Variants in ALCAM observed in about 807,000 individuals in gnomAD.
ALCAM encodes CD166 antigen.
In ALCAM, 30 loss-of-function variants were observed where a neutral mutation model predicts 70.9. The ratio of observed to expected loss-of-function variants is 0.42; its 90% confidence interval spans 0.32 to 0.57. ALCAM has a LOEUF of 0.57. ALCAM is among the 20% of genes least tolerant of loss of function. ALCAM has a pLI of 0.11. For synonymous variants in ALCAM, 249 were observed against 242.5 expected, an observed-to-expected ratio of 1.03 and a Z score of -0.25; for missense variants, 591 against 695.1, an observed-to-expected ratio of 0.85 and a Z score of 1.68.
At chr3:105,420,644 G>A (rs1936625574) in intron 1 of ALCAM, among the ~76,000 whole-genome samples, 1 of 151,644 alleles carries the variant, frequency 6.6e-6, no homozygotes. Context: ...AGTCAGTTCA[G>A]CCACCATTTA....
chr3:105,397,540 A>G (rs1935986423), intron 1 of ALCAM, among the ~76,000 whole-genome samples: 1 of 151,898 alleles, frequency 6.6e-6, no homozygotes. Context: ...GTTATTTAAC[A>G]TAACATAATA....
At chr3:105,479,030 C>G (rs1938197106) in intron 1 of ALCAM, among the ~76,000 whole-genome samples, 1 of 151,998 alleles carries the variant, frequency 6.6e-6, no homozygotes, top group Non-Finnish European at 1.5e-5. Flanking sequence ...TGTATTGTGT[C>G]TAGTCTATAA....
At chr3:105,539,564 T>C (rs1940064462) in intron 6 of ALCAM, among the ~76,000 whole-genome samples, 1 of 152,082 alleles carries the variant, frequency 6.6e-6, no homozygotes, top group Non-Finnish European at 1.5e-5. Context: ...GCAATATGAG[T>C]ACAGTGGCAT....
At chr3:105,437,995 C>G (rs1218911831) in intron 1 of ALCAM, among the ~76,000 whole-genome samples, 1 of 152,054 alleles carries the variant, frequency 6.6e-6, no homozygotes, top group African/African-American at 2.4e-5. Context: ...AAATAAGTCT[C>G]TAAACAATCA....
intron 1 of ALCAM, among the ~76,000 whole-genome samples, chr3:105,389,033 G>A (rs1349875284): frequency 6.6e-6 from 1 of 151,550 alleles, no homozygotes; most frequent in Non-Finnish European, 1.5e-5. Flanking sequence ...TTTGTTGAAT[G>A]AACAAAGTGA....
At chr3:105,368,264 A>AGAG (rs1559767087) in intron 1 of ALCAM, among the ~76,000 whole-genome samples, 26 of 142,134 alleles carry the variant, frequency 1.8e-4, no homozygotes, top group South Asian at 6.9e-4. Flanking sequence ...AGAGAGAGAG[A>AGAG]AAAGGCAAAA....
intron 1 of ALCAM, among the ~76,000 whole-genome samples, chr3:105,394,275 C>T (rs1032881926): frequency 3.3e-5 from 5 of 151,962 alleles, no homozygotes; most frequent in Non-Finnish European, 7.4e-5. Flanking sequence ...ATATGACTCA[C>T]TACCTATGTA....
intron 1 of ALCAM, among the ~76,000 whole-genome samples, chr3:105,372,571 G>T (rs930747362): frequency 6.6e-6 from 1 of 152,018 alleles, no homozygotes; most frequent in Non-Finnish European, 1.5e-5. Context: ...TCAGAGTTGC[G>T]CACAATCCAA....
At chr3:105,427,726 G>T (rs888186909) in intron 1 of ALCAM, among the ~76,000 whole-genome samples, 3 of 151,850 alleles carry the variant, frequency 2.0e-5, no homozygotes, top group Non-Finnish European at 4.4e-5. Context: ...GGCGGGGAGG[G>T]TTCATAGAGT....
chr3:105,549,775 T>C (rs1940346533), intron 11 of ALCAM, among the ~76,000 whole-genome samples: 2 of 151,492 alleles, frequency 1.3e-5, no homozygotes, highest in African/African-American at 2.4e-5. Context: ...ATTAAATTCA[T>C]ATATTTATTG....
chr3:105,464,348 T>TG (rs1207924580), intron 1 of ALCAM, among the ~76,000 whole-genome samples: 4 of 148,292 alleles, frequency 2.7e-5, no homozygotes, highest in South Asian at 4.3e-4. Context: ...AGTTTAGTTA[T>TG]GGGGGGTAAA....
Position 105,547,226 on chromosome 3 carries a change from T to C in ALCAM, c.1182T>C (p.Thr394=). Residue 394 remains threonine (T), a synonymous_variant, in exon 10 of 16, where the codon ACT becomes ACC. Coordinates refer to ENST00000306107, the MANE Select transcript of ALCAM (RefSeq NM_001627.4). The part of the protein sequence containing the change: ...YQDAGNYVCE[T]ALQEVEGLKK... ...ATGCTGGAAACTATGTCTGCGAAAC[T>C]GCTCTGCAGGAGGTTGAAGGACTAA... is the stretch of plus-strand genomic sequence containing the variant. The C allele has an allele frequency of 6.2e-7, 1 of 1,608,654 alleles. No individual in the cohort carries two copies. The highest frequency in any genetic ancestry group is 1.7e-4 in the Middle Eastern group (1 of 6,032).
chr3:105,430,486 T>C (rs961795855), intron 1 of ALCAM, among the ~76,000 whole-genome samples: 1 of 152,086 alleles, frequency 6.6e-6, no homozygotes, highest in Admixed American at 6.6e-5. Flanking sequence ...TTTCTTATGA[T>C]AATATTGGGA....
At chr3:105,374,059 GA>G (rs1214044394) in intron 1 of ALCAM, among the ~76,000 whole-genome samples, 3 of 152,204 alleles carry the variant, frequency 2.0e-5, no homozygotes, top group African/African-American at 4.8e-5. Context: ...GATTAAGGAT[GA>G]AAAAGACTTT....
At chr3:105,407,011 A>G (rs1936252770) in intron 1 of ALCAM, among the ~76,000 whole-genome samples, 1 of 152,162 alleles carries the variant, frequency 6.6e-6, no homozygotes, top group South Asian at 2.1e-4. Context: ...CCAGGAAGAT[A>G]CAGAATCTCT....
At chr3:105,510,142 A>G (rs1324385203) in intron 1 of ALCAM, among the ~76,000 whole-genome samples, 3 of 152,070 alleles carry the variant, frequency 2.0e-5, no homozygotes, top group Non-Finnish European at 4.4e-5. Context: ...ATGAGGAAGA[A>G]GATGGGGGTG....
chr3:105,407,520 TC>T (rs1936271933), intron 1 of ALCAM, among the ~76,000 whole-genome samples: 1 of 152,132 alleles, frequency 6.6e-6, no homozygotes, highest in South Asian at 2.1e-4. Context: ...AAATTCAGTA[TC>T]CCTTTATTAT....
chr3:105,520,859 C>T (rs1939517483), intron 2 of ALCAM, among the ~76,000 whole-genome samples: 1 of 152,088 alleles, frequency 6.6e-6, no homozygotes, highest in African/African-American at 2.4e-5. Context: ...GGTACAATTT[C>T]CCAATGCTGG....
chr3:105,401,661 A>G (rs1018140106), intron 1 of ALCAM, among the ~76,000 whole-genome samples: 2 of 152,184 alleles, frequency 1.3e-5, no homozygotes, highest in South Asian at 4.1e-4. Context: ...TGACTCTTTT[A>G]GAAAGACTTC....
Sources: allele counts gnomAD v4.1 joint callset (sites outside exome capture counted in the v4.1 genomes callset), GRCh38; gene constraint gnomAD v4.1.1; transcripts MANE v1.5; gene names NCBI Gene and HGNC (gene_info 2026-07-23, HGNC 2026-07-21).